The following CHD7 variants were observed in gnomAD, a reference collection of about 807,000 sequenced individuals.
CHD7 encodes chromodomain helicase DNA binding protein 7, also known as ATP-dependent chromatin remodeler CHD7.
CHD7 carries 24 observed loss-of-function variants against 307.3 expected under a neutral mutation model. The ratio of observed to expected loss-of-function variants is 0.08; its 90% CI spans 0.06 to 0.11. CHD7 has a LOEUF of 0.11. Ranked by LOEUF, CHD7 falls within the 10% of genes least tolerant of loss-of-function variation. The probability of loss-of-function intolerance (pLI) is 1.00; values close to 1 mark genes in which losing one functional copy is unlikely to be tolerated. For synonymous variants in CHD7, 1,363 were observed against 1,349.9 expected (o/e 1.01, Z -0.21); for missense variants, 3,106 against 3,727.1 (o/e 0.83, Z 4.34).
rs151322460 is a variant in CHD7, at chr8:60,848,612, C to G, written c.5300+8C>G. 3 of 1,605,164 alleles carry G rather than the reference C, an allele frequency of 1.9e-6. No homozygotes were observed. The highest frequency in any genetic ancestry group is 2.6e-6 in the Non-Finnish European group (3 of 1,172,764). On this transcript the variant is annotated splice_region_variant and intron_variant, in intron 24 of 37. Transcript: ENST00000423902. ...AGAGGGTGCTGACTCAAGGTTAGTG[C>G]GAGCTCACATTTGTTCTCAACCTCA...
intron 34 of CHD7, among the ~76,000 whole-genome samples, chr8:60,858,161 CAGG>C (rs1362167003): frequency 6.6e-6 from 1 of 152,194 alleles, no homozygotes; most frequent in Non-Finnish European, 1.5e-5. Context: ...GATGCTGAGG[CAGG>C]AGAATTGCTT....
At chr8:60,850,816 G>C in intron 26 of CHD7, 194 bp downstream of exon 26, 1 of 738,572 alleles carries the variant, frequency 1.4e-6, no homozygotes, top group Non-Finnish European at 2.2e-6. Context: ...TCTGAAACTT[G>C]TTTTTCTTTT....
At position 60,819,993 on chromosome 8, in the gene CHD7, TC is replaced by T; in HGVS notation, c.2614-11del. The stretch of plus-strand genomic sequence containing the variant: ...TAAGTAAACCTTTAACTTTTTTTTT[TC>T]CCTTTGGTGTAGATTGAGGATGAGC... On this transcript the variant is annotated splice_polypyrimidine_tract_variant and intron_variant, in intron 8 of 37. Transcript: ENST00000423902. 6.4e-7 allele frequency: 1 copy of T among 1,558,398 alleles called. No individual in the cohort carries two copies. Among genetic ancestry groups the T allele is most frequent in the Non-Finnish European group, 8.8e-7 (1 of 1,139,350 alleles).
chr8:60,760,107 A>G (rs1810105130), intron 2 of CHD7, among the ~76,000 whole-genome samples: 1 of 152,220 alleles, frequency 6.6e-6, no homozygotes, highest in Non-Finnish European at 1.5e-5. Flanking sequence ...AAGGCTTCAC[A>G]GAGGTTTTCA....
rs7839701 is a variant in CHD7, at chr8:60,854,831, G to C, written c.6936+308G>C. Among the ~76,000 whole-genome samples, 103,463 of 152,026 alleles carry C rather than the reference G, an allele frequency of 0.68. 35,543 individuals carry two copies. Among genetic ancestry groups the C allele is most frequent in the East Asian group, 0.77 (4,003 of 5,168 alleles). ...ACTTACCCCCGTTGTCTAGCATAAT[G>C]TATGGATTATCACTGTGTTTTAAAA... On this transcript the variant is annotated intron_variant, in intron 32 of 37. Transcript: ENST00000423902.
intron 31 of CHD7, 51 bp downstream of exon 31, chr8:60,853,551 A>AAT: frequency 7.0e-7 from 1 of 1,422,468 alleles, no homozygotes; most frequent in South Asian, 1.7e-5. Context: ...GCTGGTTGTG[A>AAT]GATGCGTTGC....
intron 34 of CHD7, among the ~76,000 whole-genome samples, chr8:60,857,485 A>G (rs1210226444): frequency 2.0e-5 from 3 of 152,224 alleles, no homozygotes; most frequent in Non-Finnish European, 2.9e-5. Context: ...ACTACATCTC[A>G]CCCAAAAATG....
At chr8:60,853,531 C>A in intron 31 of CHD7, 31 bp downstream of exon 31, 2 of 1,476,666 alleles carry the variant, frequency 1.4e-6, no homozygotes, top group Non-Finnish European at 1.8e-6. Context: ...CCTCTCCTGA[C>A]CCTGCAGCAG....
chr8:60,809,072 G>A (rs574525003), intron 7 of CHD7: 6 of 152,286 alleles, frequency 3.9e-5, no homozygotes, highest in Non-Finnish European at 7.4e-5. Context: ...GTGAGTTGCT[G>A]TGCGAACAGC....
chr8:60,776,040 G>A (rs1040407715), intron 2 of CHD7, among the ~76,000 whole-genome samples: 8 of 152,224 alleles, frequency 5.3e-5, no homozygotes, highest in Non-Finnish European at 7.3e-5. Flanking sequence ...GATTACAGGC[G>A]TGAGCCACTG....
chr8:60,777,513 ATTTTCT>A (rs1371382193), intron 2 of CHD7, among the ~76,000 whole-genome samples: 1 of 152,108 alleles, frequency 6.6e-6, no homozygotes, highest in Non-Finnish European at 1.5e-5. Context: ...ATATCTTTTC[ATTTTCT>A]TTGATGATTC....
At chr8:60,857,977 C>A (rs115711023) in intron 34 of CHD7, among the ~76,000 whole-genome samples, 2 of 152,172 alleles carry the variant, frequency 1.3e-5, no homozygotes, top group Admixed American at 6.5e-5. Flanking sequence ...AAAATTGGGC[C>A]GGGCATGGTG....
chr8:60,709,074 C>T (rs1158523464), intron 1 of CHD7, among the ~76,000 whole-genome samples: 9 of 152,170 alleles, frequency 5.9e-5, no homozygotes, highest in Admixed American at 5.9e-4. Flanking sequence ...GATTTTATTG[C>T]ACTTCATTAT....
chr8:60,847,165 A>G (rs1312523267), intron 23 of CHD7, among the ~76,000 whole-genome samples: 1 of 152,224 alleles, frequency 6.6e-6, no homozygotes, highest in Non-Finnish European at 1.5e-5. Flanking sequence ...CACTTGGCCT[A>G]TCCAGAACCC....
At chr8:60,681,909 G>A (rs1199569475) in intron 1 of CHD7, among the ~76,000 whole-genome samples, 2 of 152,064 alleles carry the variant, frequency 1.3e-5, no homozygotes, top group East Asian at 1.9e-4. Flanking sequence ...AATTTTAAAA[G>A]ACTGGTATAT....
intron 1 of CHD7, among the ~76,000 whole-genome samples, chr8:60,710,250 T>TG (rs1184243785): frequency 6.7e-6 from 1 of 148,590 alleles, no homozygotes; most frequent in East Asian, 1.9e-4. Context: ...TTTTTTTTTT[T>TG]GGTCATACTC....
At chr8:60,793,246 A>AT (rs535433481) in intron 3 of CHD7, among the ~76,000 whole-genome samples, 233 of 149,100 alleles carry the variant, frequency 1.6e-3, no homozygotes, top group East Asian at 0.014. Context: ...GGTTGTATGG[A>AT]TTTTTTTTTT....
At chr8:60,843,764 G>A (rs963061365) in intron 21 of CHD7, among the ~76,000 whole-genome samples, 2 of 152,228 alleles carry the variant, frequency 1.3e-5, no homozygotes, top group Non-Finnish European at 2.9e-5. Context: ...CTTGTGACTT[G>A]GTGGATATCA....
chr8:60,816,368 T>A lies in CHD7; in HGVS notation c.2499-19T>A. 7.9e-7 allele frequency: 1 copy of A among 1,258,670 alleles called. No individual in the cohort carries two copies. The highest frequency in any genetic ancestry group is 1.3e-5 in the South Asian group (1 of 77,822). The allele number at this position is 1,258,670 out of a possible 1,614,324, so 78.0% of individuals were successfully genotyped here. ...AATTATATTCTACATATTTCAAGGA[T>A]ATTGTTTTGTTCTTTCAGCTCTTAT... On this transcript the variant is annotated intron_variant, in intron 7 of 37. Transcript: ENST00000423902.
Sources: gnomAD v4.1 joint callset for allele counts (sites outside exome capture counted in the v4.1 genomes callset) on GRCh38, gnomAD v4.1.1 for gene constraint, MANE v1.5 for transcripts, NCBI Gene and HGNC (gene_info 2026-07-23, HGNC 2026-07-21) for gene names.